The following OTUD4 variants were observed in gnomAD, a reference collection of about 807,000 sequenced individuals.
OTUD4 encodes the protein OTU deubiquitinase 4.
OTUD4 carries 24 observed loss-of-function variants against 130.4 expected under a neutral mutation model. That is an observed-to-expected ratio of 0.18 (90% CI 0.13 to 0.26). OTUD4 has a LOEUF of 0.26. Among genes scored for constraint, OTUD4 ranks in the 10% least tolerant of loss-of-function variants. The pLI, the probability that OTUD4 is intolerant of heterozygous loss-of-function variation, is 1.00. For missense variants in OTUD4, 1,031 were observed against 1,329.4 expected, an observed-to-expected ratio of 0.78 and a Z score of 3.49; for synonymous variants, 420 against 472.5, an observed-to-expected ratio of 0.89 and a Z score of 1.44.
At chr4:145,150,963 A>G in intron 11 of OTUD4, 58 bp from the exon 12 acceptor site, 1 of 980,834 alleles carries the variant, frequency 1.0e-6, no homozygotes. Flanking sequence ...ATAGTTAAAT[A>G]TTCTGCATAT....
intron 2 of OTUD4, among the ~76,000 whole-genome samples, chr4:145,172,213 C>T (rs199686834): frequency 2.6e-5 from 4 of 152,230 alleles, no homozygotes; most frequent in African/African-American, 9.6e-5. Flanking sequence ...AAGGCCACTT[C>T]AGGTGACATT....
At position 145,141,398 on chromosome 4, in the gene OTUD4, A is replaced by G. The variant is rs373613696; in HGVS notation, c.2064T>C (p.Thr688=). 3 of 1,608,824 alleles carry G rather than the reference A, an allele frequency of 1.9e-6. No homozygotes were observed. The highest frequency in any genetic ancestry group is 1.3e-5 in the African/African-American group (1 of 74,738). The part of the protein sequence containing the change: ...AIVPPYSLCQ[T]GEDLPKDKNI... ...GCTCACCTTTAGGTAGGTCCTCCCCAGTCTGACACAGTGAATAAGGTGGTA... is the reference window on the plus strand; with the variant it reads ...GCTCACCTTTAGGTAGGTCCTCCCCGGTCTGACACAGTGAATAAGGTGGTA... Residue 688 remains threonine (T), a synonymous_variant, in exon 19 of 21, where the codon ACT becomes ACC. Coordinates refer to ENST00000447906, the MANE Select transcript of OTUD4 (RefSeq NM_001366057.1).
At position 145,174,670 on chromosome 4, in the gene OTUD4, T is replaced by A; in HGVS notation, c.234A>T (p.Lys78Asn). The A allele has an allele frequency of 6.3e-7, 1 of 1,591,782 alleles. No individual in the cohort carries two copies. Among genetic ancestry groups the A allele is most frequent in the East Asian group, 2.2e-5 (1 of 44,740 alleles). Reference sequence around the variant, plus strand: ...TGAAATTACAAGTTACCGCTTCAAATTTCTCTCTGTTCTCTCGAAGATAGT... The same window carrying A: ...TGAAATTACAAGTTACCGCTTCAAAATTCTCTCTGTTCTCTCGAAGATAGT... ...CIHYLRENRE[K>N]FEAFIEGSFE... Residue 78 changes from lysine (K) to asparagine (N), a missense_variant, in exon 2 of 21, where the codon AAA becomes AAT. Lys to Asn is a moderately conservative substitution (Grantham distance 94, BLOSUM62 0). Coordinates refer to ENST00000447906, the MANE Select transcript of OTUD4 (RefSeq NM_001366057.1).
intron 1 of OTUD4, among the ~76,000 whole-genome samples, chr4:145,178,905 CAGGTCCT>C (rs1579299410): frequency 6.6e-6 from 1 of 151,966 alleles, no homozygotes; most frequent in Admixed American, 6.6e-5. Context: ...GTGTGGGGAG[CAGGTCCT>C]AGGTCAAAGG....
rs1553996308 is a variant in OTUD4, at chr4:145,136,467, G to GA, written c.*962_*963insT. The GA allele has an allele frequency of 5.6e-5, 3 of 53,446 alleles. 1 individual carries two copies. Among genetic ancestry groups the GA allele is most frequent in the African/African-American group, 2.0e-4 (3 of 14,738 alleles). The allele number at this position is 53,446 out of a possible 1,614,324, so 3.3% of individuals were successfully genotyped here. On this transcript the variant is annotated 3_prime_UTR_variant, in exon 21 of 21. Transcript: ENST00000447906. ...AGTGATACACAACCAATGGTGCGGG[G>GA]GGGGGGGGGAGGAAGAAAACAACTC...
intron 14 of OTUD4, among the ~76,000 whole-genome samples, chr4:145,144,762 G>T (rs1750741243): frequency 6.6e-6 from 1 of 152,060 alleles, no homozygotes; most frequent in African/African-American, 2.4e-5. Context: ...AACATCTTCT[G>T]TGCCAACCTT....
Position 145,159,191 on chromosome 4 carries a change from CAAGTT to C in OTUD4, c.629+307_629+311del, listed in dbSNP as rs1751436073. On this transcript the variant is annotated intron_variant, in intron 7 of 20. Transcript: ENST00000447906. ...CATTACTGGGTATGTGAACAATTGA[CAAGTT>C]AACTTTAAAATTTTACAATACACAC... 3.7e-6 allele frequency: 4 copies of C among 1,073,936 alleles called. No homozygotes were observed. The Admixed American group carries it at 2.2e-4, about 60-fold the overall frequency. 66.5% of individuals were successfully genotyped at this position (1,073,936 alleles called of 1,614,324 possible).
At chr4:145,148,728 T>C (rs996082328) in intron 13 of OTUD4, among the ~76,000 whole-genome samples, 1 of 152,224 alleles carries the variant, frequency 6.6e-6, no homozygotes, top group Non-Finnish European at 1.5e-5. Context: ...AAAAAGAATA[T>C]TGCTTTTTCT....
Position 145,140,992 on chromosome 4 carries a change from C to T in OTUD4, c.2083+387G>A, listed in dbSNP as rs188845741. Among the ~76,000 whole-genome samples, 89 of 151,734 alleles carry T rather than the reference C, an allele frequency of 5.9e-4. 3 individuals carry two copies. The East Asian group carries it at 0.016, about 28-fold the overall frequency. On this transcript the variant is annotated intron_variant, in intron 19 of 20. Transcript: ENST00000447906. ...CATCCTGGCTAACACGGTGAAACCC[C>T]GTCTCTACTAAAAAATACAAAAAAT...
chr4:145,166,642 C>T (rs1751890848), intron 3 of OTUD4, among the ~76,000 whole-genome samples: 1 of 152,122 alleles, frequency 6.6e-6, no homozygotes, highest in Admixed American at 6.5e-5. Flanking sequence ...GAGTTCAAGA[C>T]CAGCCTGACC....
intron 6 of OTUD4, 29 bp from the exon 7 acceptor site, chr4:145,159,664 A>G: frequency 6.2e-7 from 1 of 1,607,180 alleles, no homozygotes; most frequent in South Asian, 1.1e-5. Flanking sequence ...AGATTTTCCA[A>G]CATTAACTAC....
chr4:145,165,331 A>G (rs977196596), intron 3 of OTUD4, 134 bp from the exon 4 acceptor site: 6 of 546,406 alleles, frequency 1.1e-5, no homozygotes, highest in Non-Finnish European at 2.0e-5. Context: ...TATTGTGAAT[A>G]TTATAAAAAC....
At chr4:145,169,336 T>A (rs1454218718) in intron 3 of OTUD4, among the ~76,000 whole-genome samples, 1 of 152,212 alleles carries the variant, frequency 6.6e-6, no homozygotes, top group Non-Finnish European at 1.5e-5. Flanking sequence ...AAGTTTGAAG[T>A]ACCTTCAAAA....
chr4:145,161,518 G>T (rs767529816), intron 6 of OTUD4, among the ~76,000 whole-genome samples: 1 of 152,180 alleles, frequency 6.6e-6, no homozygotes, highest in Non-Finnish European at 1.5e-5. Context: ...CAGAACGGAT[G>T]ATATAAAAGA....
At chr4:145,178,977 T>G (rs1752559137) in intron 1 of OTUD4, among the ~76,000 whole-genome samples, 1 of 152,136 alleles carries the variant, frequency 6.6e-6, no homozygotes, top group African/African-American at 2.4e-5. Context: ...TTTATCCAGC[T>G]ACTTCGGCAG....
At chr4:145,149,994 T>C (rs1235012715) in intron 13 of OTUD4, among the ~76,000 whole-genome samples, 1 of 152,216 alleles carries the variant, frequency 6.6e-6, no homozygotes, top group African/African-American at 2.4e-5. Flanking sequence ...ATCCTAAAAG[T>C]TCATCTGCCT....
At chr4:145,171,947 GT>G (rs971945514) in intron 2 of OTUD4, among the ~76,000 whole-genome samples, 30 of 152,306 alleles carry the variant, frequency 2.0e-4, no homozygotes, top group African/African-American at 6.5e-4. Flanking sequence ...GTCAGGAAAG[GT>G]TTCCTGAAAG....
intron 3 of OTUD4, among the ~76,000 whole-genome samples, chr4:145,167,064 G>C (rs1477541851): frequency 6.6e-6 from 1 of 152,156 alleles, no homozygotes; most frequent in Non-Finnish European, 1.5e-5. Flanking sequence ...ATTGACAATA[G>C]AGACAGGGAA....
At chr4:145,142,711 A>T (rs963695638) in intron 17 of OTUD4, among the ~76,000 whole-genome samples, 2 of 152,226 alleles carry the variant, frequency 1.3e-5, no homozygotes, top group African/African-American at 4.8e-5. Flanking sequence ...ATACAACACA[A>T]TACTTTTAAG....
Sources: gnomAD v4.1 joint callset for allele counts (sites outside exome capture counted in the v4.1 genomes callset) on GRCh38, gnomAD v4.1.1 for gene constraint, MANE v1.5 for transcripts, NCBI Gene and HGNC (gene_info 2026-07-23, HGNC 2026-07-21) for gene names.